Variants in ZPBP observed in about 807,000 individuals in gnomAD.
ZPBP encodes zona pellucida binding protein.
A neutral mutation model predicts 44.8 loss-of-function variants in ZPBP; 26 were observed. That is an observed-to-expected ratio of 0.58 (90% CI 0.43 to 0.81). ZPBP has a LOEUF of 0.81. Among genes scored for constraint, ZPBP ranks in the 30% least tolerant of loss-of-function variants. The probability of loss-of-function intolerance (pLI) is 0.00; values close to 1 mark genes in which losing one functional copy is unlikely to be tolerated. For missense variants in ZPBP, 409 were observed against 434.0 expected (o/e 0.94, Z 0.51); for synonymous variants, 174 against 153.2 (o/e 1.14, Z -1.00).
downstream of ZPBP, among the ~76,000 whole-genome samples, chr7:49,933,430 AG>A (rs1794513981): frequency 6.6e-6 from 1 of 152,242 alleles, no homozygotes; most frequent in Non-Finnish European, 1.5e-5. Context: ...ACTAAGAAAT[AG>A]GAACAATTTT....
intron 4 of ZPBP, among the ~76,000 whole-genome samples, chr7:50,040,714 C>T (rs564772321): frequency 6.6e-6 from 1 of 152,296 alleles, no homozygotes; most frequent in Admixed American, 6.5e-5. Context: ...GAGTTTCAAG[C>T]CCAAAACTTG....
At chr7:49,997,521 G>T (rs536715346) in intron 6 of ZPBP, among the ~76,000 whole-genome samples, 1 of 152,278 alleles carries the variant, frequency 6.6e-6, no homozygotes, top group East Asian at 1.9e-4. Context: ...CACCTTTAAG[G>T]GTCTTCTAGG....
At chr7:50,083,617 A>G (rs971678194) in intron 2 of ZPBP, among the ~76,000 whole-genome samples, 7 of 151,954 alleles carry the variant, frequency 4.6e-5, no homozygotes, top group African/African-American at 1.7e-4. Context: ...TAACATTTAC[A>G]CTAAATAAAA....
chr7:50,014,939 G>A (rs1271487847), intron 6 of ZPBP, among the ~76,000 whole-genome samples: 1 of 151,988 alleles, frequency 6.6e-6, no homozygotes, highest in Non-Finnish European at 1.5e-5. Context: ...AAGATGAAAA[G>A]GTACTAAAGT....
At chr7:49,856,001 C>T (rs956549440) in intron 2 of ZPBP, among the ~76,000 whole-genome samples, 2 of 152,284 alleles carry the variant, frequency 1.3e-5, no homozygotes, top group East Asian at 3.9e-4. Flanking sequence ...ATTTCTGCAA[C>T]CTGATTGAGA....
chr7:49,969,864 G>A (rs1207145065), intron 7 of ZPBP, among the ~76,000 whole-genome samples: 1 of 139,482 alleles, frequency 7.2e-6, no homozygotes, highest in African/African-American at 2.7e-5. Flanking sequence ...GAGAGAGAGA[G>A]ACAGAGACAG....
At chr7:49,868,228 A>G (rs692039) in intron 2 of ZPBP, among the ~76,000 whole-genome samples, 116,644 of 152,154 alleles carry the variant, frequency 0.77, 44,964 homozygotes, top group East Asian at 0.88. Flanking sequence ...ACATTAATAG[A>G]TGCTGTTTCC....
At chr7:49,913,515 T>C (rs1462983800) in intron 1 of ZPBP, 1 of 152,196 alleles carries the variant, frequency 6.6e-6, no homozygotes, top group African/African-American at 2.4e-5. Context: ...AAAATATATA[T>C]AATCATTATT....
intron 6 of ZPBP, 84 bp from the exon 7 acceptor site, chr7:49,983,603 T>G (rs1203150057): frequency 1.6e-5 from 14 of 882,684 alleles, no homozygotes; most frequent in Non-Finnish European, 2.4e-5. Context: ...GGATTTAGAA[T>G]TTAAAGAAAA....
At chr7:49,993,391 G>A (rs1195305405) in intron 6 of ZPBP, among the ~76,000 whole-genome samples, 1 of 152,034 alleles carries the variant, frequency 6.6e-6, no homozygotes, top group African/African-American at 2.4e-5. Context: ...AGAAAGAAAT[G>A]ACAAGATGTT....
chr7:49,847,082 G>A (rs1789972354), downstream of ZPBP, among the ~76,000 whole-genome samples: 1 of 152,078 alleles, frequency 6.6e-6, no homozygotes, highest in Admixed American at 6.5e-5. Flanking sequence ...TATTTGCAAA[G>A]TTTTTAAAAG....
At chr7:50,035,346 T>G (rs1290808741) in intron 4 of ZPBP, among the ~76,000 whole-genome samples, 1 of 152,214 alleles carries the variant, frequency 6.6e-6, no homozygotes, top group Non-Finnish European at 1.5e-5. Flanking sequence ...GTTATTCAAT[T>G]GCCAGCACAG....
chr7:49,896,005 T>C (rs1450359650), intron 2 of ZPBP, among the ~76,000 whole-genome samples: 6 of 152,202 alleles, frequency 3.9e-5, no homozygotes, highest in Admixed American at 2.0e-4. Context: ...TTAGTAGTTA[T>C]TGTGCTTCAA....
At chr7:49,853,083 T>G (rs1345334395) in intron 2 of ZPBP, among the ~76,000 whole-genome samples, 1 of 152,232 alleles carries the variant, frequency 6.6e-6, no homozygotes, top group East Asian at 1.9e-4. Flanking sequence ...CATGCCCAGC[T>G]CTTGCTGCAG....
intron 4 of ZPBP, among the ~76,000 whole-genome samples, chr7:50,043,398 C>T (rs184844704): frequency 2.7e-4 from 41 of 152,212 alleles, no homozygotes; most frequent in Middle Eastern, 3.4e-3. Context: ...TAAATGGTCT[C>T]GACACCCATT....
chr7:49,877,481 A>AAAAAATATACATAT, intron 2 of ZPBP, among the ~76,000 whole-genome samples: 145 of 12,730 alleles, frequency 0.011, 45 homozygotes, highest in Non-Finnish European at 0.017. Flanking sequence ...AAAAAAAAAA[A>AAAAAATATACATAT]ATATATATAT....
chr7:50,016,183 G>C (rs1020416944), intron 6 of ZPBP, among the ~76,000 whole-genome samples: 2 of 152,054 alleles, frequency 1.3e-5, no homozygotes, highest in African/African-American at 4.8e-5. Flanking sequence ...ATGGTAGACA[G>C]GATAAAGAAA....
intron 2 of ZPBP, among the ~76,000 whole-genome samples, chr7:49,897,187 G>A (rs138118634): frequency 8.9e-4 from 135 of 152,156 alleles, no homozygotes; most frequent in Middle Eastern, 6.8e-3. Context: ...GAGCCACCGC[G>A]CCCGGCCGGA....
intron 2 of ZPBP, among the ~76,000 whole-genome samples, chr7:50,083,446 TA>T (rs1277187287): frequency 6.6e-6 from 1 of 151,988 alleles, no homozygotes; most frequent in African/African-American, 2.4e-5. Flanking sequence ...CAAATTTATT[TA>T]TCAACACATA....
Sources: allele counts gnomAD v4.1 joint callset (sites outside exome capture counted in the v4.1 genomes callset), GRCh38; gene constraint gnomAD v4.1.1; transcripts MANE v1.5; gene names NCBI Gene and HGNC (gene_info 2026-07-23, HGNC 2026-07-21).